The following BTG4 variants were observed in gnomAD, a reference collection of about 807,000 sequenced individuals.
The protein encoded by BTG4 is protein BTG4.
A neutral mutation model predicts 19.3 loss-of-function variants in BTG4; 10 were observed. The observed-to-expected ratio is 0.52, with a 90% confidence interval of 0.32 to 0.88. The LOEUF is 0.88. BTG4 is among the 40% of genes least tolerant of loss of function. The pLI is 0.04. For synonymous variants in BTG4, 91 were observed against 95.7 expected (o/e 0.95, Z 0.29); for missense variants, 238 against 281.9 (o/e 0.84, Z 1.11).
intron 4 of BTG4, 124 bp from the exon 5 acceptor site, chr11:111,495,438 T>C (rs2135665592): frequency 1.3e-6 from 1 of 793,128 alleles, no homozygotes; most frequent in East Asian, 2.9e-5. Context: ...TGAAAGTGCA[T>C]AACCATCTTT....
the BTG4 span, among the ~76,000 whole-genome samples, chr11:111,411,186 A>G: frequency 0.04 from 6,122 of 152,124 alleles, 133 homozygotes; most frequent in Middle Eastern, 0.14. Context: ...CGGAGTCTCA[A>G]GTTCTCATTC....
At chr11:111,438,155 G>A in the BTG4 span, among the ~76,000 whole-genome samples, 7 of 152,154 alleles carry the variant, frequency 4.6e-5, no homozygotes, top group South Asian at 2.1e-4. Flanking sequence ...ATCAACAGAC[G>A]GGACACAGAG....
At chr11:111,430,623 T>A in the BTG4 span, among the ~76,000 whole-genome samples, 1 of 152,216 alleles carries the variant, frequency 6.6e-6, no homozygotes, top group Non-Finnish European at 1.5e-5. Flanking sequence ...ACCATTACCA[T>A]CTTGACTTTT....
chr11:111,418,936 G>A, the BTG4 span, among the ~76,000 whole-genome samples: 6 of 152,336 alleles, frequency 3.9e-5, no homozygotes, highest in African/African-American at 1.2e-4. Flanking sequence ...GCAAGTCCAA[G>A]GTCAAGGTGT....
the BTG4 span, among the ~76,000 whole-genome samples, chr11:111,460,805 A>G: frequency 1.3e-5 from 2 of 152,204 alleles, no homozygotes; most frequent in Non-Finnish European, 2.9e-5. Flanking sequence ...AATACAAAAC[A>G]TAAGTTACTC....
In BTG4 at chr11:111,512,246, G is replaced by C. The variant is rs971364490; in HGVS notation, c.-92C>G. On this transcript the variant is annotated 5_prime_UTR_variant, in exon 1 of 5. Transcript: ENST00000692032. ...TGGGTAGGCTGGGGGCCTTCTTGGGGAATGAGGGAGTGGAGGAGCTCTTTG... is the reference window on the plus strand; with the variant it reads ...TGGGTAGGCTGGGGGCCTTCTTGGGCAATGAGGGAGTGGAGGAGCTCTTTG... The C allele has an allele frequency of 6.6e-6, 1 of 152,264 alleles. No individual in the cohort carries two copies. The highest frequency in any genetic ancestry group is 2.4e-5 in the African/African-American group (1 of 41,456). 9.4% of individuals were successfully genotyped at this position (152,264 alleles called of 1,614,324 possible).
the BTG4 span, among the ~76,000 whole-genome samples, chr11:111,398,946 C>G: frequency 6.6e-6 from 1 of 152,224 alleles, no homozygotes; most frequent in Non-Finnish European, 1.5e-5. Flanking sequence ...TGACGTGGAG[C>G]TGGTGATTTA....
rs61751528 is a variant in BTG4 at position 111,495,318 on chromosome 11, G to A, written c.511-4C>T. ...AGGGCTGTTTCAAGTTTTCAACCTG[G>A]AAAAAAAAAGTATAAAGATCTCTAA... On this transcript the variant is annotated splice_polypyrimidine_tract_variant and splice_region_variant and intron_variant, in intron 4 of 4. Transcript: ENST00000692032. 5.7e-6 allele frequency: 9 copies of A among 1,584,164 alleles called. No homozygotes were observed. The Admixed American group carries it at 7.4e-5, about 13-fold the overall frequency.
chr11:111,386,654 C>T, the BTG4 span, among the ~76,000 whole-genome samples: 2 of 152,068 alleles, frequency 1.3e-5, no homozygotes, highest in Non-Finnish European at 2.9e-5. Context: ...AGGTTAAGAA[C>T]CACTGTTTAT....
At chr11:111,413,451 A>G in the BTG4 span, among the ~76,000 whole-genome samples, 1 of 152,268 alleles carries the variant, frequency 6.6e-6, no homozygotes, top group Non-Finnish European at 1.5e-5. Context: ...GACTCTGAAC[A>G]CACACCCAGT....
intron 1 of BTG4, among the ~76,000 whole-genome samples, chr11:111,500,828 AGAC>A (rs1254944833): frequency 6.6e-6 from 1 of 152,186 alleles, no homozygotes; most frequent in Non-Finnish European, 1.5e-5. Context: ...ATCACACCAC[AGAC>A]TCACATTGAA....
chr11:111,385,569 A>T, the BTG4 span: 1 of 151,962 alleles, frequency 6.6e-6, no homozygotes, highest in Non-Finnish European at 1.5e-5. Flanking sequence ...ATACATCATG[A>T]TATAATAATA....
the BTG4 span, among the ~76,000 whole-genome samples, chr11:111,409,188 A>T: frequency 6.6e-6 from 1 of 152,202 alleles, no homozygotes; most frequent in East Asian, 1.9e-4. Flanking sequence ...AGAAAAATTT[A>T]AAAGTCACCC....
Position 111,495,294 on chromosome 11 carries a change from G to A in BTG4, c.531C>T (p.Pro177=), listed in dbSNP as rs1434286439. The A allele has an allele frequency of 1.9e-6, 3 of 1,611,340 alleles. No homozygotes were observed. Among genetic ancestry groups the A allele is most frequent in the African/African-American group, 1.3e-5 (1 of 74,656 alleles). The change falls in exon 5 of 5, where the codon CCC becomes CCT. Residue 177 remains proline, a synonymous_variant. Coordinates refer to ENST00000692032, the MANE Select transcript of BTG4 (RefSeq NM_001367975.1). ...SIYQVENLKQ[P]FQSWLQIPRK... ...GGGGGATTTGTAACCAAGATTGAAA[G>A]GGCTGTTTCAAGTTTTCAACCTGGA...
At chr11:111,454,835 G>T in the BTG4 span, 8 of 378,264 alleles carry the variant, frequency 2.1e-5, no homozygotes, top group African/African-American at 1.7e-4. Flanking sequence ...TGGGGGTTGG[G>T]GGTTGGGGGG....
rs181493991 is a variant in BTG4 at position 111,495,986 on chromosome 11, G to C, written c.511-672C>G. Among the ~76,000 whole-genome samples the C allele has an allele frequency of 2.8e-3, 430 of 152,224 alleles. 1 individual carries two copies. The highest frequency in any genetic ancestry group is 0.01 in the Middle Eastern group (3 of 294). ...CAAGAAACTATCAATGACACACATA[G>C]TTTAAAAAACTAGGGACAAAACATT... On this transcript the variant is annotated intron_variant, in intron 4 of 4. Coordinates refer to ENST00000692032, the MANE Select transcript of BTG4 (RefSeq NM_001367975.1).
the BTG4 span, among the ~76,000 whole-genome samples, chr11:111,439,210 T>C: frequency 6.6e-6 from 1 of 152,272 alleles, no homozygotes; most frequent in Admixed American, 6.5e-5. Context: ...TACAAAAGTT[T>C]CTGCTTTGCT....
chr11:111,392,304 A>G, the BTG4 span, among the ~76,000 whole-genome samples: 1 of 144,668 alleles, frequency 6.9e-6, no homozygotes, highest in Non-Finnish European at 1.5e-5. Flanking sequence ...CAGCCTCCCA[A>G]GTAGCTGGGA....
At chr11:111,459,103 A>C in the BTG4 span, among the ~76,000 whole-genome samples, 3 of 152,106 alleles carry the variant, frequency 2.0e-5, no homozygotes, top group Non-Finnish European at 4.4e-5. Flanking sequence ...ATAGCCAGAC[A>C]TAGTGGTGGG....
Sources: gnomAD v4.1 joint callset for allele counts (sites outside exome capture counted in the v4.1 genomes callset) on GRCh38, gnomAD v4.1.1 for gene constraint, MANE v1.5 for transcripts, NCBI Gene and HGNC (gene_info 2026-07-23, HGNC 2026-07-21) for gene names.